ASTN2: variants seen among roughly 807,000 people sequenced by gnomAD.
The protein encoded by ASTN2 is astrotactin 2.
ASTN2 carries 54 observed loss-of-function variants against 139.8 expected under a neutral mutation model. The ratio of observed to expected loss-of-function variants is 0.39; its 90% CI spans 0.31 to 0.48. The LOEUF is 0.48. ASTN2 is among the 20% of genes least tolerant of loss of function. ASTN2 has a pLI of 0.95. For missense variants in ASTN2, 1,565 were observed against 1,725.1 expected (o/e 0.91, Z 1.64); for synonymous variants, 756 against 719.5 (o/e 1.05, Z -0.81).
At chr9:117,103,004 T>G (rs749470852) in intron 4 of ASTN2, among the ~76,000 whole-genome samples, 2 of 152,080 alleles carry the variant, frequency 1.3e-5, no homozygotes, top group Non-Finnish European at 2.9e-5. Context: ...CATAGCCACC[T>G]TGAAAGAATC....
At chr9:116,559,046 G>C (rs975367626) in intron 19 of ASTN2, among the ~76,000 whole-genome samples, 3 of 152,204 alleles carry the variant, frequency 2.0e-5, no homozygotes, top group Non-Finnish European at 4.4e-5. Context: ...CAAGGGTAGG[G>C]AAGCAGTTCT....
intron 10 of ASTN2, among the ~76,000 whole-genome samples, chr9:116,893,900 C>T (rs1161617418): frequency 2.0e-5 from 3 of 152,170 alleles, no homozygotes; most frequent in African/African-American, 7.2e-5. Flanking sequence ...GAACACTCAA[C>T]GTCTGCCCCC....
chr9:117,343,296 T>G (rs190078531), intron 1 of ASTN2, among the ~76,000 whole-genome samples: 3 of 152,218 alleles, frequency 2.0e-5, no homozygotes, highest in African/African-American at 7.2e-5. Context: ...CAGAATTTTA[T>G]AGTTACTTTT....
intron 16 of ASTN2, among the ~76,000 whole-genome samples, chr9:116,714,755 C>T (rs953664859): frequency 3.9e-5 from 6 of 152,152 alleles, no homozygotes; most frequent in Non-Finnish European, 7.3e-5. Flanking sequence ...CTATGAGCCA[C>T]GTAATCACAT....
At chr9:116,690,366 G>A (rs1290472787) in intron 16 of ASTN2, among the ~76,000 whole-genome samples, 1 of 152,182 alleles carries the variant, frequency 6.6e-6, no homozygotes, top group Non-Finnish European at 1.5e-5. Flanking sequence ...AGCTAGGTTG[G>A]GATACAAACC....
chr9:117,088,749 G>A (rs939631038), intron 5 of ASTN2, among the ~76,000 whole-genome samples: 1 of 152,138 alleles, frequency 6.6e-6, no homozygotes, highest in Non-Finnish European at 1.5e-5. Flanking sequence ...CTGAGATTGG[G>A]GATCAGAAAA....
chr9:117,018,476 C>A (rs927108032), intron 6 of ASTN2, among the ~76,000 whole-genome samples: 1 of 152,142 alleles, frequency 6.6e-6, no homozygotes, highest in Non-Finnish European at 1.5e-5. Flanking sequence ...GCCAACTGAC[C>A]AAATTAGGCA....
At chr9:117,390,619 C>T (rs900944990) in intron 1 of ASTN2, among the ~76,000 whole-genome samples, 3 of 152,128 alleles carry the variant, frequency 2.0e-5, no homozygotes, top group African/African-American at 7.2e-5. Flanking sequence ...AGATTGGTGT[C>T]TTTCACTTAG....
chr9:116,514,379 TACCCA>T (rs1338811306), intron 19 of ASTN2, among the ~76,000 whole-genome samples: 2 of 151,682 alleles, frequency 1.3e-5, no homozygotes, highest in Admixed American at 1.3e-4. Context: ...CTCAGAGAGT[TACCCA>T]GCTGTGTGAG....
chr9:117,403,061 A>G (rs1830882085), intron 1 of ASTN2, among the ~76,000 whole-genome samples: 1 of 152,200 alleles, frequency 6.6e-6, no homozygotes, highest in African/African-American at 2.4e-5. Flanking sequence ...AGCTTCTAAC[A>G]GGGCTTCACT....
At chr9:117,371,767 T>A (rs1313012662) in intron 1 of ASTN2, among the ~76,000 whole-genome samples, 1 of 152,116 alleles carries the variant, frequency 6.6e-6, no homozygotes, top group Non-Finnish European at 1.5e-5. Context: ...GGATCATCAG[T>A]GGATTTAGGA....
chr9:116,597,493 T>C (rs1564142390), intron 19 of ASTN2, among the ~76,000 whole-genome samples: 1 of 151,994 alleles, frequency 6.6e-6, no homozygotes, highest in East Asian at 1.9e-4. Context: ...GCTTTCACCA[T>C]GTTGTTCAGG....
At chr9:117,406,674 T>C (rs1830999260) in intron 1 of ASTN2, among the ~76,000 whole-genome samples, 1 of 152,074 alleles carries the variant, frequency 6.6e-6, no homozygotes, top group South Asian at 2.1e-4. Flanking sequence ...TTAGCCTTTG[T>C]TCCAATCTCA....
intron 10 of ASTN2, among the ~76,000 whole-genome samples, chr9:116,962,821 GGTAGA>G (rs1835908016): frequency 6.6e-6 from 1 of 152,140 alleles, no homozygotes; most frequent in African/African-American, 2.4e-5. Context: ...CTGTTTTGAT[GGTAGA>G]GTGTTTATAG....
At chr9:116,789,278 C>A (rs915922837) in intron 13 of ASTN2, among the ~76,000 whole-genome samples, 1 of 152,172 alleles carries the variant, frequency 6.6e-6, no homozygotes, top group African/African-American at 2.4e-5. Context: ...AAGAGGCTGA[C>A]TCAGGGTTTA....
At chr9:117,136,573 G>C (rs538546394) in intron 4 of ASTN2, among the ~76,000 whole-genome samples, 3 of 152,272 alleles carry the variant, frequency 2.0e-5, no homozygotes, top group Non-Finnish European at 2.9e-5. Flanking sequence ...TGTTCTAGGT[G>C]GGGGAGGAAC....
intron 11 of ASTN2, among the ~76,000 whole-genome samples, chr9:116,823,906 G>A (rs775330713): frequency 1.3e-4 from 20 of 152,164 alleles, no homozygotes; most frequent in Non-Finnish European, 2.5e-4. Flanking sequence ...TCTAGCCATC[G>A]TTTGAAATTA....
At position 116,426,070 on chromosome 9, in the gene ASTN2, T is replaced by C; in HGVS notation, c.3801A>G (p.Leu1267=). The C allele has an allele frequency of 1.2e-6, 2 of 1,613,432 alleles. No homozygotes were observed. Among genetic ancestry groups the C allele is most frequent in the Non-Finnish European group, 1.7e-6 (2 of 1,180,008 alleles). The change falls in exon 23 of 23, where the codon CTA becomes CTG. Residue 1267 remains leucine, a synonymous_variant. Transcript: ENST00000313400. ...ELGPRKAHLI[L]RRLERVSSHC... is the part of the protein sequence containing the mutation. ...GGCTACTCACCCTCTCCAGTCGCCG[T>C]AGAATCAGGTGGGCCTTCCTGAAAG...
chr9:117,193,351 C>A (rs1050663810), intron 3 of ASTN2, among the ~76,000 whole-genome samples: 9 of 151,990 alleles, frequency 5.9e-5, no homozygotes, highest in Non-Finnish European at 1.2e-4. Context: ...TTAAGAAAGT[C>A]ATTTCTGGCT....
Sources: gnomAD v4.1 joint callset for allele counts (sites outside exome capture counted in the v4.1 genomes callset) on GRCh38, gnomAD v4.1.1 for gene constraint, MANE v1.5 for transcripts, NCBI Gene and HGNC (gene_info 2026-07-23, HGNC 2026-07-21) for gene names.